Variants in SYNPR observed in about 807,000 individuals in gnomAD.
SYNPR encodes synaptoporin.
SYNPR carries 23 observed loss-of-function variants against 32.9 expected under a neutral mutation model. That is an observed-to-expected ratio of 0.70 (90% confidence interval 0.50 to 0.99). The LOEUF is 0.99. Ranked by LOEUF, SYNPR falls within the 50% of genes least tolerant of loss-of-function variation. The pLI is 0.00. For synonymous variants in SYNPR, 146 were observed against 135.9 expected (o/e 1.07, Z -0.52); for missense variants, 318 against 349.3 (o/e 0.91, Z 0.71).
At position 63,603,847 on chromosome 3, in the gene SYNPR, AG is replaced by A. The variant is rs375106778; in HGVS notation, c.409-5276del. On this transcript the variant is annotated intron_variant, in intron 4 of 5. Coordinates refer to ENST00000478300, the MANE Select transcript of SYNPR (RefSeq NM_001130003.2). ...TGTGTCTCTGCCTGGTTTTGTTATCAGGATGATGTTGGCCTCATAGGATGAG... is the reference window on the plus strand; with the variant it reads ...TGTGTCTCTGCCTGGTTTTGTTATCAGATGATGTTGGCCTCATAGGATGAG... Among the ~76,000 whole-genome samples the A allele has an allele frequency of 3.2e-4, 48 of 152,242 alleles. No individual in the cohort carries two copies. The East Asian group carries it at 8.7e-3, about 28-fold the overall frequency.
At chr3:63,308,894 A>C (rs978229990) in intron 2 of SYNPR, among the ~76,000 whole-genome samples, 2 of 151,878 alleles carry the variant, frequency 1.3e-5, no homozygotes, top group Non-Finnish European at 2.9e-5. Context: ...TCATTAAATT[A>C]TAAATTTTAT....
At chr3:63,422,637 C>T (rs1699821134) in intron 2 of SYNPR, among the ~76,000 whole-genome samples, 2 of 151,842 alleles carry the variant, frequency 1.3e-5, no homozygotes. Context: ...ATCAGATTGG[C>T]AAAATATTGA....
intron 2 of SYNPR, chr3:63,330,193 A>G (rs1466274249): frequency 6.6e-6 from 1 of 152,128 alleles, no homozygotes; most frequent in Non-Finnish European, 1.5e-5. Context: ...TGATCCAATC[A>G]GTTATTTGTT....
chr3:63,373,027 C>T (rs34430002), intron 2 of SYNPR, among the ~76,000 whole-genome samples: 54,377 of 151,854 alleles, frequency 0.36, 10,149 homozygotes, highest in Middle Eastern at 0.5. Context: ...GCTACAAACC[C>T]CCTGCAAAAA....
intron 2 of SYNPR, among the ~76,000 whole-genome samples, chr3:63,394,550 A>T (rs1449922870): frequency 6.6e-6 from 1 of 152,098 alleles, no homozygotes; most frequent in African/African-American, 2.4e-5. Flanking sequence ...TTTTTCCTTC[A>T]AAATGGCAAA....
chr3:63,264,137 A>G (rs1482581063), intron 2 of SYNPR, among the ~76,000 whole-genome samples: 1 of 152,144 alleles, frequency 6.6e-6, no homozygotes, highest in Non-Finnish European at 1.5e-5. Context: ...TCTTCTTGTG[A>G]TTAGTGTATA....
At chr3:63,226,790 A>G (rs2106869956), upstream of SYNPR, among the ~76,000 whole-genome samples, 1 of 152,302 alleles carries the variant, frequency 6.6e-6, no homozygotes, top group Middle Eastern at 3.4e-3. Context: ...CTAAAGTTCA[A>G]TAGCAGACAA....
chr3:63,401,522 G>T (rs1278008219), intron 2 of SYNPR, among the ~76,000 whole-genome samples: 1 of 152,166 alleles, frequency 6.6e-6, no homozygotes, highest in Non-Finnish European at 1.5e-5. Flanking sequence ...GAATGAGAAG[G>T]TAGGGAGAAA....
intron 4 of SYNPR, among the ~76,000 whole-genome samples, chr3:63,577,619 A>G (rs1022505236): frequency 1.3e-5 from 2 of 152,146 alleles, no homozygotes; most frequent in Non-Finnish European, 2.9e-5. Context: ...GTGTAGGTGT[A>G]TGAATGTAGG....
At chr3:63,386,309 G>A (rs930892367) in intron 2 of SYNPR, among the ~76,000 whole-genome samples, 3 of 152,140 alleles carry the variant, frequency 2.0e-5, no homozygotes, top group Admixed American at 6.5e-5. Flanking sequence ...GAGCCTTATT[G>A]TCTTACTCCA....
chr3:63,295,712 G>C (rs1449175057), intron 2 of SYNPR, among the ~76,000 whole-genome samples: 2 of 152,186 alleles, frequency 1.3e-5, no homozygotes, highest in Non-Finnish European at 2.9e-5. Context: ...ATGAAAGGAT[G>C]ATCTTGATTT....
At chr3:63,240,282 T>A (rs1301383025) in intron 1 of SYNPR, among the ~76,000 whole-genome samples, 1 of 152,122 alleles carries the variant, frequency 6.6e-6, no homozygotes, top group African/African-American at 2.4e-5. Context: ...ATTATATTAT[T>A]ATATGTTTTA....
At chr3:63,362,498 A>G (rs1296510044) in intron 2 of SYNPR, among the ~76,000 whole-genome samples, 1 of 152,150 alleles carries the variant, frequency 6.6e-6, no homozygotes, top group Non-Finnish European at 1.5e-5. Context: ...TTAAGAAAAA[A>G]AAATGGAGCC....
intron 2 of SYNPR, among the ~76,000 whole-genome samples, chr3:63,330,823 G>A (rs1361399896): frequency 2.6e-5 from 4 of 152,140 alleles, no homozygotes; most frequent in Non-Finnish European, 5.9e-5. Context: ...TGAAGAGCTA[G>A]CTATGGGAGT....
chr3:63,430,557 A>G (rs756300327), intron 2 of SYNPR, among the ~76,000 whole-genome samples: 1 of 152,210 alleles, frequency 6.6e-6, no homozygotes, highest in Non-Finnish European at 1.5e-5. Flanking sequence ...GCATCCCTGT[A>G]AAATGTGGTT....
chr3:63,323,732 A>C (rs1411963269), intron 2 of SYNPR, among the ~76,000 whole-genome samples: 2 of 152,140 alleles, frequency 1.3e-5, no homozygotes, highest in Non-Finnish European at 2.9e-5. Context: ...TGCAAATAAA[A>C]TTTAAAATGT....
intron 3 of SYNPR, among the ~76,000 whole-genome samples, chr3:63,495,432 A>T (rs757530799): frequency 6.6e-6 from 1 of 152,198 alleles, no homozygotes; most frequent in Non-Finnish European, 1.5e-5. Context: ...ATGCTGTGAT[A>T]TAAGAAGTAA....
intron 2 of SYNPR, among the ~76,000 whole-genome samples, chr3:63,470,002 A>G (rs1434456158): frequency 6.6e-6 from 1 of 152,208 alleles, no homozygotes; most frequent in Non-Finnish European, 1.5e-5. Flanking sequence ...GTCTACATTT[A>G]TGATTTTAAG....
At chr3:63,377,849 G>C (rs1453360324) in intron 2 of SYNPR, among the ~76,000 whole-genome samples, 1 of 151,688 alleles carries the variant, frequency 6.6e-6, no homozygotes, top group African/African-American at 2.4e-5. Flanking sequence ...TAGCATATAA[G>C]AATAAATTAA....
Sources: gnomAD v4.1 joint callset for allele counts (sites outside exome capture counted in the v4.1 genomes callset) on GRCh38, gnomAD v4.1.1 for gene constraint, MANE v1.5 for transcripts, NCBI Gene and HGNC (gene_info 2026-07-23, HGNC 2026-07-21) for gene names.